The following FAM13B variants were observed in gnomAD, a reference collection of about 807,000 sequenced individuals.
FAM13B encodes the protein family with sequence similarity 13 member B.
Under a neutral mutation model 117.3 loss-of-function variants are expected in FAM13B, and 60 were observed. The observed-to-expected ratio is 0.51, with a 90% CI of 0.42 to 0.63. The LOEUF is 0.63. Ranked by LOEUF, FAM13B falls within the 30% of genes least tolerant of loss-of-function variation. FAM13B has a pLI of 0.00. For missense variants in FAM13B, 972 were observed against 1,091.9 expected, an observed-to-expected ratio of 0.89 and a Z score of 1.55; for synonymous variants, 332 against 356.1, an observed-to-expected ratio of 0.93 and a Z score of 0.76.
intron 23 of FAM13B, among the ~76,000 whole-genome samples, chr5:137,941,109 T>C (rs1761642910): frequency 6.6e-6 from 1 of 152,000 alleles, no homozygotes; most frequent in Non-Finnish European, 1.5e-5. Flanking sequence ...AGGGTTTCAC[T>C]GTGTTAGCCA....
At chr5:138,051,029 G>C (rs1047189580) in intron 1 of FAM13B, among the ~76,000 whole-genome samples, 22 of 151,870 alleles carry the variant, frequency 1.4e-4, no homozygotes, top group African/African-American at 5.3e-4. Flanking sequence ...AGTGGGGGGG[G>C]GAGAATGAAA....
chr5:137,946,016 G>T lies in FAM13B; in HGVS notation c.2245-19C>A, dbSNP rs1252298161. 1.3e-6 allele frequency: 2 copies of T among 1,580,682 alleles called. No homozygotes were observed. Among genetic ancestry groups the T allele is most frequent in the Non-Finnish European group, 1.7e-6 (2 of 1,154,436 alleles). On this transcript the variant is annotated intron_variant, in intron 19 of 23. Coordinates refer to ENST00000689681, the MANE Select transcript of FAM13B (RefSeq NM_001385994.1). ...TGGTCACCTGAAGCAAGAAAAAAAA[G>T]AAATTGTCTAGTCATCACAAATCTA...
intron 2 of FAM13B, 45 bp from the exon 3 acceptor site, chr5:138,019,191 G>A: frequency 6.5e-7 from 1 of 1,533,612 alleles, no homozygotes; most frequent in Non-Finnish European, 8.8e-7. Flanking sequence ...TGATTAACAG[G>A]TGGCAATATG....
At position 138,032,136 on chromosome 5, in the gene FAM13B, T is replaced by C. The variant is rs543024366; in HGVS notation, c.-203+646A>G. 2.6e-4 allele frequency among the ~76,000 whole-genome samples: 39 copies of C among 152,342 alleles called. 1 individual carries two copies. The highest frequency in any genetic ancestry group is 8.3e-4 in the South Asian group (4 of 4,828). On this transcript the variant is annotated intron_variant, in intron 1 of 23. Transcript: ENST00000689681. Reference sequence around the variant, plus strand: ...TTAACAGTTTCCCACTGCGCAAATGTGCCAACCGATTCCTACAACCTCATC... The same window carrying C: ...TTAACAGTTTCCCACTGCGCAAATGCGCCAACCGATTCCTACAACCTCATC...
chr5:138,034,864 G>A (rs768354015), upstream of FAM13B, among the ~76,000 whole-genome samples: 1 of 152,042 alleles, frequency 6.6e-6, no homozygotes, highest in Non-Finnish European at 1.5e-5. Context: ...AATCCGAAGA[G>A]AGTTAAAAAC....
intron 14 of FAM13B, 90 bp downstream of exon 14, chr5:137,956,387 A>T: frequency 1.2e-6 from 1 of 809,032 alleles, no homozygotes; most frequent in Non-Finnish European, 1.9e-6. Context: ...TTCCTAAGAT[A>T]TGGGGACAGC....
chr5:138,006,927 G>GGAGT, intron 7 of FAM13B, 63 bp downstream of exon 7: 1 of 1,432,606 alleles, frequency 7.0e-7, no homozygotes, highest in Non-Finnish European at 9.4e-7. Context: ...TCTGAATGCT[G>GGAGT]GAGTGAGTTT....
chr5:138,012,776 C>T (rs998171362), intron 4 of FAM13B, among the ~76,000 whole-genome samples: 1 of 152,050 alleles, frequency 6.6e-6, no homozygotes, highest in Admixed American at 6.6e-5. Context: ...TATTTTTCCG[C>T]AGGTTCTTAA....
At chr5:138,040,529 G>T (rs967225548) in intron 1 of FAM13B, among the ~76,000 whole-genome samples, 1 of 151,430 alleles carries the variant, frequency 6.6e-6, no homozygotes. Context: ...CCGAGATCGC[G>T]CCACTGCACT....
chr5:137,988,429 A>C (rs184099162), intron 7 of FAM13B, 114 bp from the exon 8 acceptor site: 3 of 731,170 alleles, frequency 4.1e-6, no homozygotes, highest in Non-Finnish European at 6.8e-6. Context: ...AGCACATACT[A>C]AGTGTTGTAT....
intron 7 of FAM13B, among the ~76,000 whole-genome samples, chr5:138,001,475 A>C (rs1430683102): frequency 6.6e-6 from 1 of 152,216 alleles, no homozygotes; most frequent in East Asian, 1.9e-4. Context: ...AATTTTAATC[A>C]TATTAAATTG....
intron 22 of FAM13B, chr5:137,942,630 T>C (rs1762196118): frequency 2.4e-6 from 1 of 421,118 alleles, no homozygotes. Flanking sequence ...CAAAAACTGC[T>C]GGGATTATAG....
chr5:137,992,053 G>C (rs1778727812), intron 7 of FAM13B, among the ~76,000 whole-genome samples: 3 of 151,742 alleles, frequency 2.0e-5, no homozygotes, highest in African/African-American at 7.3e-5. Context: ...CCAAATAAGT[G>C]GGACTACAGG....
Position 137,952,677 on chromosome 5 carries a change from C to T in FAM13B, c.1881G>A (p.Lys627=), listed in dbSNP as rs758676711. 6.2e-7 allele frequency: 1 copy of T among 1,605,390 alleles called. No homozygotes were observed. The highest frequency in any genetic ancestry group is 2.2e-5 in the East Asian group (1 of 44,682). The change falls in exon 17 of 24, where the codon AAG becomes AAA. Residue 627 remains lysine (K), a synonymous_variant. Transcript: ENST00000689681. Reference sequence around the variant, plus strand: ...TAAGCTCTGTCATCCATTTTAATACCTTTGGATTGGCAGCAATATCACTGT... The same window carrying T: ...TAAGCTCTGTCATCCATTTTAATACTTTTGGATTGGCAGCAATATCACTGT... ...PSYSDIAANP[K]VLKWMTELTK... is the part of the protein sequence containing the mutation.
At chr5:137,946,071 T>C in intron 19 of FAM13B, 74 bp from the exon 20 acceptor site, 1 of 1,356,136 alleles carries the variant, frequency 7.4e-7, no homozygotes, top group Non-Finnish European at 1.0e-6. Context: ...CAATGACTTA[T>C]TCGCCCAATT....
At chr5:137,949,278 T>G (rs148884869) in intron 17 of FAM13B, 94 bp from the exon 18 acceptor site, 479 of 884,228 alleles carry the variant, frequency 5.4e-4, no homozygotes, top group Non-Finnish European at 8.2e-4. Context: ...AAAGTATACA[T>G]TAACAGCACA....
intron 17 of FAM13B, among the ~76,000 whole-genome samples, chr5:137,952,218 G>C (rs1038602045): frequency 6.6e-6 from 1 of 152,004 alleles, no homozygotes; most frequent in Non-Finnish European, 1.5e-5. Flanking sequence ...TGGTATAAAC[G>C]AGTCACTGTG....
upstream of FAM13B, among the ~76,000 whole-genome samples, chr5:138,034,475 A>G (rs568223734): frequency 6.6e-6 from 1 of 152,298 alleles, no homozygotes; most frequent in African/African-American, 2.4e-5. Flanking sequence ...AAATAAATCT[A>G]CATACCCAAT....
chr5:138,012,019 T>A, intron 4 of FAM13B, 74 bp from the exon 5 acceptor site: 1 of 1,014,896 alleles, frequency 9.9e-7, no homozygotes, highest in Non-Finnish European at 1.4e-6. Flanking sequence ...AGGTTCACAT[T>A]ACTCCACCCA....
Sources: gnomAD v4.1 joint callset for allele counts (sites outside exome capture counted in the v4.1 genomes callset) on GRCh38, gnomAD v4.1.1 for gene constraint, MANE v1.5 for transcripts, NCBI Gene and HGNC (gene_info 2026-07-23, HGNC 2026-07-21) for gene names.